The following WDR70 variants were observed in gnomAD, a reference collection of about 807,000 sequenced individuals.
WDR70 encodes WD repeat domain 70, also known as WD repeat-containing protein 70.
WDR70 carries 53 observed loss-of-function variants against 88.6 expected under a neutral mutation model. The observed-to-expected ratio is 0.60, with a 90% CI of 0.48 to 0.75. The LOEUF (loss-of-function observed/expected upper bound fraction) is 0.75. Among genes scored for constraint, WDR70 ranks in the 30% least tolerant of loss-of-function variants. WDR70 has a pLI of 0.00. For synonymous variants in WDR70, 280 were observed against 270.0 expected (o/e 1.04, Z -0.36); for missense variants, 610 against 823.2 (o/e 0.74, Z 3.17).
At chr5:37,706,958 A>G (rs1257227564) in intron 13 of WDR70, among the ~76,000 whole-genome samples, 2 of 152,178 alleles carry the variant, frequency 1.3e-5, no homozygotes, top group Admixed American at 6.5e-5. Context: ...TTTATACAAT[A>G]AAAGCACAGG....
At chr5:37,604,340 T>TA (rs969985515) in intron 9 of WDR70, among the ~76,000 whole-genome samples, 3 of 152,238 alleles carry the variant, frequency 2.0e-5, no homozygotes, top group Non-Finnish European at 4.4e-5. Context: ...CCATAGTGGT[T>TA]AGGCTTCCAT....
intron 10 of WDR70, among the ~76,000 whole-genome samples, chr5:37,638,661 G>C (rs1298716477): frequency 2.6e-5 from 4 of 152,026 alleles, no homozygotes; most frequent in African/African-American, 9.7e-5. Flanking sequence ...CATTTCTTTT[G>C]GTGAACCTCT....
chr5:37,612,021 C>T (rs1330417197), intron 10 of WDR70, among the ~76,000 whole-genome samples: 1 of 152,096 alleles, frequency 6.6e-6, no homozygotes, highest in East Asian at 1.9e-4. Context: ...TCTGCAAAGA[C>T]TAATCATTTA....
At chr5:37,687,906 C>A in intron 10 of WDR70, 1 of 680,704 alleles carries the variant, frequency 1.5e-6, no homozygotes, top group South Asian at 1.6e-5. Flanking sequence ...CTTTTCTTCT[C>A]CAGAGCAACA....
intron 3 of WDR70, among the ~76,000 whole-genome samples, chr5:37,386,820 G>A (rs1439760198): frequency 6.6e-6 from 1 of 152,062 alleles, no homozygotes; most frequent in Admixed American, 6.6e-5. Flanking sequence ...AATCTGGGCT[G>A]GGCACGGTGG....
At chr5:37,399,134 C>T (rs372499111) in intron 5 of WDR70, among the ~76,000 whole-genome samples, 22 of 152,118 alleles carry the variant, frequency 1.4e-4, no homozygotes, top group African/African-American at 4.6e-4. Flanking sequence ...AAAAATTAGC[C>T]GGGCATGGTG....
intron 10 of WDR70, among the ~76,000 whole-genome samples, chr5:37,619,746 T>TTTTTTG (rs1561925390): frequency 6.6e-6 from 1 of 151,970 alleles, no homozygotes; most frequent in African/African-American, 2.4e-5. Context: ...TTTGGTTTTT[T>TTTTTTG]TTTTGTTTTG....
At chr5:37,538,484 A>T (rs987830626) in intron 9 of WDR70, among the ~76,000 whole-genome samples, 2 of 152,174 alleles carry the variant, frequency 1.3e-5, no homozygotes, top group African/African-American at 4.8e-5. Flanking sequence ...ATTGGTTTAG[A>T]TGCAGTTGGG....
chr5:37,643,430 TTTC>T (rs1329592928), intron 10 of WDR70, among the ~76,000 whole-genome samples: 1 of 152,036 alleles, frequency 6.6e-6, no homozygotes, highest in East Asian at 1.9e-4. Flanking sequence ...TTTCTCCAGT[TTTC>T]TTCTTTTTGT....
chr5:37,564,308 G>C (rs1369898195), intron 9 of WDR70, among the ~76,000 whole-genome samples: 1 of 152,238 alleles, frequency 6.6e-6, no homozygotes, highest in Non-Finnish European at 1.5e-5. Flanking sequence ...CAGATCACTC[G>C]TGGTTAGGAG....
intron 6 of WDR70, among the ~76,000 whole-genome samples, chr5:37,439,851 TC>T (rs1750600176): frequency 6.6e-6 from 1 of 152,110 alleles, no homozygotes; most frequent in Non-Finnish European, 1.5e-5. Flanking sequence ...ATACCTGACT[TC>T]ATATGATTTC....
rs1486452225 is a variant in WDR70, at chr5:37,702,970, A to C, written c.1299A>C (p.Pro433=). Residue 433 remains proline, a synonymous_variant, in exon 13 of 18, where the codon CCA becomes CCC. Coordinates refer to ENST00000265107, the MANE Select transcript of WDR70 (RefSeq NM_018034.4). The part of the protein sequence containing the change: ...MFPMTDCCFS[P]DDKLIVTGTS... Reference sequence around the variant, plus strand: ...GTAGGACTGACTGCTGTTTCAGTCCAGATGATAAGCTCATAGTCACTGGTA... The same window carrying C: ...GTAGGACTGACTGCTGTTTCAGTCCCGATGATAAGCTCATAGTCACTGGTA... The C allele has an allele frequency of 1.2e-6, 2 of 1,611,946 alleles. No individual in the cohort carries two copies. The highest frequency in any genetic ancestry group is 3.3e-5 in the Admixed American group (2 of 59,970).
chr5:37,666,979 AG>A (rs143916908), intron 10 of WDR70, among the ~76,000 whole-genome samples: 6,415 of 152,200 alleles, frequency 0.042, 175 homozygotes, highest in Non-Finnish European at 0.067. Context: ...GCCCATAGTG[AG>A]TGTCCAATAC....
At chr5:37,751,805 A>T (rs1748822238) in intron 17 of WDR70, among the ~76,000 whole-genome samples, 1 of 152,184 alleles carries the variant, frequency 6.6e-6, no homozygotes, top group Admixed American at 6.5e-5. Context: ...GTGAAAAGGG[A>T]TGTCATTGAA....
intron 9 of WDR70, among the ~76,000 whole-genome samples, chr5:37,566,191 G>A (rs919622516): frequency 2.0e-5 from 3 of 151,988 alleles, no homozygotes. Context: ...AAGGTGAAAC[G>A]AATAATAATT....
At chr5:37,485,930 G>C (rs1739854305) in intron 8 of WDR70, among the ~76,000 whole-genome samples, 1 of 146,584 alleles carries the variant, frequency 6.8e-6, no homozygotes, top group Admixed American at 7.0e-5. Context: ...GGCCAGGCTG[G>C]TCTCGAACTC....
intron 10 of WDR70, among the ~76,000 whole-genome samples, chr5:37,684,323 A>C (rs907791177): frequency 2.0e-5 from 3 of 152,160 alleles, no homozygotes; most frequent in African/African-American, 2.4e-5. Context: ...CCTGGTTCAG[A>C]ATCCTTGCTG....
chr5:37,540,627 G>A (rs961569197), intron 9 of WDR70, among the ~76,000 whole-genome samples: 2 of 152,150 alleles, frequency 1.3e-5, no homozygotes, highest in Non-Finnish European at 2.9e-5. Context: ...TGATCCACCC[G>A]CCTCGGCCTC....
intron 6 of WDR70, among the ~76,000 whole-genome samples, chr5:37,441,232 T>C (rs763739219): frequency 5.3e-5 from 8 of 152,238 alleles, no homozygotes; most frequent in Non-Finnish European, 8.8e-5. Flanking sequence ...TTTTTAAAAC[T>C]ACTATTCATT....
Sources: gnomAD v4.1 joint callset for allele counts (sites outside exome capture counted in the v4.1 genomes callset) on GRCh38, gnomAD v4.1.1 for gene constraint, MANE v1.5 for transcripts, NCBI Gene and HGNC (gene_info 2026-07-23, HGNC 2026-07-21) for gene names.